TTC8: variants seen among roughly 807,000 people sequenced by gnomAD.
The protein encoded by TTC8 is tetratricopeptide repeat domain 8.
A neutral mutation model predicts 72.5 loss-of-function variants in TTC8; 47 were observed. That is an observed-to-expected ratio of 0.65 (90% confidence interval 0.51 to 0.83). The LOEUF (loss-of-function observed/expected upper bound fraction) is 0.83. Ranked by LOEUF, TTC8 falls within the 40% of genes least tolerant of loss-of-function variation. TTC8 has a pLI of 0.00. For missense variants in TTC8, 611 were observed against 623.2 expected (o/e 0.98, Z 0.21); for synonymous variants, 199 against 221.4 (o/e 0.90, Z 0.90).
At position 88,861,342 on chromosome 14, in the gene TTC8, G is replaced by A. The variant is rs1566851784; in HGVS notation, c.909+10G>A. ...TGCAAGAATCTATGAGGTAATTCAT[G>A]TTATTATTATTATTATTTATTGATA... On this transcript the variant is annotated intron_variant, in intron 10 of 14. Coordinates refer to ENST00000380656, the MANE Select transcript of TTC8 (RefSeq NM_144596.4). 3.0e-5 allele frequency: 46 copies of A among 1,539,026 alleles called. No homozygotes were observed. The highest frequency in any genetic ancestry group is 4.1e-5 in the Non-Finnish European group (46 of 1,115,378).
At chr14:88,854,051 CATTTAGAT>C (rs1431498108) in intron 8 of TTC8, among the ~76,000 whole-genome samples, 2 of 152,126 alleles carry the variant, frequency 1.3e-5, no homozygotes, top group African/African-American at 2.4e-5. Context: ...GACTACTTTC[CATTTAGAT>C]ATTTCACATA....
chr14:88,861,118 G>T, intron 9 of TTC8, 104 bp from the exon 10 acceptor site: 3 of 908,466 alleles, frequency 3.3e-6, no homozygotes, highest in Non-Finnish European at 3.4e-6. Context: ...ATTCTTTAAT[G>T]TAATATCTAG....
intron 9 of TTC8, among the ~76,000 whole-genome samples, chr14:88,858,162 A>G (rs1470449414): frequency 6.6e-6 from 1 of 152,074 alleles, no homozygotes; most frequent in Non-Finnish European, 1.5e-5. Flanking sequence ...GGGTTTCACC[A>G]TGTTGGCCAG....
Position 88,857,091 on chromosome 14 carries a change from AT to A in TTC8, c.711-98del. On this transcript the variant is annotated intron_variant, in intron 8 of 14. Coordinates refer to ENST00000380656, the MANE Select transcript of TTC8 (RefSeq NM_144596.4). ...TATGTGCAACATTACCTTCCTTGGTATGTGCTTCCTCTTATAATTTGTCTCT... is the reference window on the plus strand; with the variant it reads ...TATGTGCAACATTACCTTCCTTGGTAGTGCTTCCTCTTATAATTTGTCTCT... The A allele has an allele frequency of 3.0e-6, 3 of 1,009,220 alleles. 1 individual carries two copies. The South Asian group carries it at 3.8e-5, about 13-fold the overall frequency. The allele number at this position is 1,009,220 out of a possible 1,614,324, so 62.5% of individuals were successfully genotyped here.
chr14:88,850,548 C>T (rs2140995171), intron 7 of TTC8, among the ~76,000 whole-genome samples: 1 of 152,252 alleles, frequency 6.6e-6, no homozygotes, highest in South Asian at 2.1e-4. Flanking sequence ...AAAACATTAG[C>T]TGGGCAGGGT....
chr14:88,824,920 C>A, intron 1 of TTC8, 99 bp downstream of exon 1: 1 of 1,176,498 alleles, frequency 8.5e-7, no homozygotes, highest in Non-Finnish European at 1.2e-6. Flanking sequence ...GAGGAAGGCC[C>A]GAGGCGGGGC....
At chr14:88,876,603 T>C (rs2094958331) in intron 14 of TTC8, among the ~76,000 whole-genome samples, 2 of 152,154 alleles carry the variant, frequency 1.3e-5, no homozygotes, top group African/African-American at 4.8e-5. Flanking sequence ...TATAAAAATA[T>C]TGCATGTACC....
In TTC8 at chr14:88,839,507, T is replaced by C. The variant is rs2094769802; in HGVS notation, c.200T>C (p.Ile67Thr). 6.2e-7 allele frequency: 1 copy of C among 1,613,350 alleles called. No homozygotes were observed. The highest frequency in any genetic ancestry group is 8.5e-7 in the Non-Finnish European group (1 of 1,179,546). ...ACAGAAATGGTATACATAGATGAAA[T>C]TGATGTAGATCAGGAAGGAATTGCA... ...ALTEMVYIDEIDVDQEGIAEM... is the reference protein window; with the variant it reads ...ALTEMVYIDETDVDQEGIAEM... Residue 67 changes from isoleucine to threonine, a missense_variant, in exon 3 of 15, where the codon ATT (isoleucine) becomes ACT (threonine). Physicochemically the swap from Ile to Thr is moderately conservative, Grantham distance 89. Coordinates refer to ENST00000380656, the MANE Select transcript of TTC8 (RefSeq NM_144596.4).
chr14:88,825,678 C>G (rs951453384), intron 1 of TTC8, among the ~76,000 whole-genome samples: 1 of 152,098 alleles, frequency 6.6e-6, no homozygotes, highest in African/African-American at 2.4e-5. Context: ...GTTCTAGTTC[C>G]CTAGCTTTTC....
At position 88,824,732 on chromosome 14, in the gene TTC8, C is replaced by A. The variant is rs1284874471; in HGVS notation, c.25C>A (p.Leu9Ile). The change falls in exon 1 of 15, where the codon CTC becomes ATC. Residue 9 changes from leucine (L) to isoleucine (I), a missense_variant. By Grantham distance (5) the Leu-to-Ile change is conservative. Coordinates refer to ENST00000380656, the MANE Select transcript of TTC8 (RefSeq NM_144596.4). MSSEMEPL[L>I]LAWSYFRRRK... ...CATGAGCTCGGAGATGGAGCCGCTGCTCCTGGCCTGGAGCTATTTTAGGCG... is the reference window on the plus strand; with the variant it reads ...CATGAGCTCGGAGATGGAGCCGCTGATCCTGGCCTGGAGCTATTTTAGGCG... 6.2e-7 allele frequency: 1 copy of A among 1,611,028 alleles called. No homozygotes were observed. The highest frequency in any genetic ancestry group is 1.1e-5 in the South Asian group (1 of 90,428).
chr14:88,872,285 G>T, intron 12 of TTC8, 45 bp from the exon 13 acceptor site: 1 of 1,611,720 alleles, frequency 6.2e-7, no homozygotes, highest in South Asian at 1.1e-5. Context: ...AAGGGAGGAG[G>T]AAGTAAACGG....
Position 88,841,208 on chromosome 14 carries a change from C to T in TTC8, c.489+12C>T. The T allele has an allele frequency of 6.2e-7, 1 of 1,613,954 alleles. No individual in the cohort carries two copies. Among genetic ancestry groups the T allele is most frequent in the Non-Finnish European group, 8.5e-7 (1 of 1,179,954 alleles). ...TCAGGCTGGGAACGGTAAATTCTAT[C>T]AGCTTTCCCATAGCCTTGTATTACT... On this transcript the variant is annotated intron_variant, in intron 5 of 14. Coordinates refer to ENST00000380656, the MANE Select transcript of TTC8 (RefSeq NM_144596.4).
intron 2 of TTC8, among the ~76,000 whole-genome samples, chr14:88,835,088 T>C (rs1482961556): frequency 6.6e-6 from 1 of 152,216 alleles, no homozygotes; most frequent in African/African-American, 2.4e-5. Context: ...ATCTTGTGCC[T>C]AAGTTTTCAT....
At position 88,841,048 on chromosome 14, in the gene TTC8, A is replaced by G. The variant is rs1353025594; in HGVS notation, c.341A>G (p.Gln114Arg). Residue 114 changes from glutamine (Q) to arginine (R), a missense_variant, in exon 5 of 15, where the codon CAA becomes CGA. Physicochemically the swap from Gln to Arg is conservative, Grantham distance 43 (BLOSUM62 1). Transcript: ENST00000380656. ...GPSQAVRPIT[Q>R]AGRPITGFLR... Reference sequence around the variant, plus strand: ...TATAATCTTCACAGGCCAATCACACAAGCTGGAAGACCCATTACAGGTTTC... The same window carrying G: ...TATAATCTTCACAGGCCAATCACACGAGCTGGAAGACCCATTACAGGTTTC... 3 of 1,614,076 alleles carry G rather than the reference A, an allele frequency of 1.9e-6. No individual in the cohort carries two copies. The highest frequency in any genetic ancestry group is 1.1e-5 in the South Asian group (1 of 91,076).
chr14:88,870,765 C>G (rs989852896), intron 11 of TTC8, among the ~76,000 whole-genome samples: 1 of 152,084 alleles, frequency 6.6e-6, no homozygotes, highest in African/African-American at 2.4e-5. Flanking sequence ...CTCCTTAGCC[C>G]TTGGGTAATA....
intron 1 of TTC8, 81 bp from the exon 2 acceptor site, chr14:88,833,612 A>T: frequency 1.6e-6 from 2 of 1,267,640 alleles, no homozygotes; most frequent in South Asian, 2.4e-5. Context: ...TCACCTACAA[A>T]TACTTGGTTG....
At chr14:88,860,551 A>G (rs2094880752) in intron 9 of TTC8, among the ~76,000 whole-genome samples, 1 of 152,164 alleles carries the variant, frequency 6.6e-6, no homozygotes, top group South Asian at 2.1e-4. Flanking sequence ...TTTATTCAGC[A>G]TCTTTAACCT....
intron 9 of TTC8, among the ~76,000 whole-genome samples, chr14:88,860,192 CCTCT>C (rs1426215492): frequency 6.6e-6 from 1 of 150,622 alleles, no homozygotes; most frequent in East Asian, 1.9e-4. Context: ...ATTATCCATA[CCTCT>C]CTCTCTCATC....
In TTC8 at chr14:88,873,237, G is replaced by C. The variant is rs73329025; in HGVS notation, c.1347+785G>C. ...CTTGCAGACACATCGCTGCCTTGCT[G>C]CTCTGCAGACAGACAGTGCTCTGTC... On this transcript the variant is annotated intron_variant, in intron 13 of 14. Coordinates refer to ENST00000380656, the MANE Select transcript of TTC8 (RefSeq NM_144596.4). 8.7e-3 allele frequency among the ~76,000 whole-genome samples: 1,324 copies of C among 152,290 alleles called. 15 individuals carry two copies. Among genetic ancestry groups the C allele is most frequent in the African/African-American group, 0.03 (1,267 of 41,550 alleles).
Sources: gnomAD v4.1 joint callset for allele counts (sites outside exome capture counted in the v4.1 genomes callset) on GRCh38, gnomAD v4.1.1 for gene constraint, MANE v1.5 for transcripts, NCBI Gene and HGNC (gene_info 2026-07-23, HGNC 2026-07-21) for gene names.